The following FGF12 variants were observed in gnomAD, a reference collection of about 807,000 sequenced individuals.
FGF12 encodes the protein fibroblast growth factor 12, also known as fibroblast growth factor 12B.
In FGF12, 14 loss-of-function variants were observed where a neutral mutation model predicts 23.6. That is an observed-to-expected ratio of 0.59 (90% CI 0.39 to 0.93). The LOEUF (loss-of-function observed/expected upper bound fraction) is 0.93, where lower values mean the gene tolerates loss of function less well. FGF12 is among the 40% of genes least tolerant of loss of function. The pLI, the probability that FGF12 is intolerant of heterozygous loss-of-function variation, is 0.00. For synonymous variants in FGF12, 62 were observed against 77.3 expected (o/e 0.80, Z 1.04); for missense variants, 175 against 217.8 (o/e 0.80, Z 1.24).
At chr3:192,262,870 C>T (rs1362634953) in intron 4 of FGF12, among the ~76,000 whole-genome samples, 2 of 151,562 alleles carry the variant, frequency 1.3e-5, no homozygotes, top group African/African-American at 2.4e-5. Flanking sequence ...GAACTACTCC[C>T]CCATACACAC....
At chr3:192,700,530 T>G (rs1718257351) in intron 2 of FGF12, among the ~76,000 whole-genome samples, 1 of 152,232 alleles carries the variant, frequency 6.6e-6, no homozygotes, top group Non-Finnish European at 1.5e-5. Flanking sequence ...TATCTCCTTG[T>G]TTTATGTTTA....
At chr3:192,714,476 A>G (rs1463616898) in intron 2 of FGF12, among the ~76,000 whole-genome samples, 3 of 149,570 alleles carry the variant, frequency 2.0e-5, no homozygotes, top group Non-Finnish European at 4.4e-5. Flanking sequence ...TTAGTCTGTT[A>G]TAATTCTGAG....
At chr3:192,482,210 G>C (rs1272587452) in intron 2 of FGF12, among the ~76,000 whole-genome samples, 1 of 152,058 alleles carries the variant, frequency 6.6e-6, no homozygotes, top group Non-Finnish European at 1.5e-5. Flanking sequence ...AAAGAACTAA[G>C]CAAAATGTGT....
At chr3:192,395,504 C>T (rs1158251400) in intron 2 of FGF12, among the ~76,000 whole-genome samples, 1 of 152,176 alleles carries the variant, frequency 6.6e-6, no homozygotes, top group East Asian at 1.9e-4. Flanking sequence ...TCCCTCAGAG[C>T]CTGACTATAC....
intron 2 of FGF12, among the ~76,000 whole-genome samples, chr3:192,561,406 A>T (rs1389563433): frequency 6.6e-6 from 1 of 151,950 alleles, no homozygotes; most frequent in Non-Finnish European, 1.5e-5. Context: ...TCTTTCACCC[A>T]GGCTGGAGTG....
Position 192,300,084 on chromosome 3 carries a change from A to G in FGF12, c.228+35277T>C, listed in dbSNP as rs115474290. ...CACAAAAGCCAATAGAAACTCTGGC[A>G]AAACATAGGGGAGCACAGGCAATCC... On this transcript the variant is annotated intron_variant, in intron 4 of 5. Coordinates refer to ENST00000445105, the MANE Select transcript of FGF12 (RefSeq NM_004113.6). Among the ~76,000 whole-genome samples, 1,011 of 152,302 alleles carry G rather than the reference A, an allele frequency of 6.6e-3. 8 individuals carry two copies. Among genetic ancestry groups the G allele is most frequent in the African/African-American group, 0.024 (978 of 41,558 alleles).
At chr3:192,161,842 G>T (rs1004773280) in intron 5 of FGF12, among the ~76,000 whole-genome samples, 6 of 152,086 alleles carry the variant, frequency 3.9e-5, no homozygotes, top group Non-Finnish European at 7.4e-5. Context: ...CAGATCCTTT[G>T]AAATTTGAGA....
chr3:192,140,848 T>C lies in FGF12; in HGVS notation c.*3161A>G, dbSNP rs981646608. 4.6e-5 allele frequency: 7 copies of C among 151,906 alleles called. No homozygotes were observed. Among genetic ancestry groups the C allele is most frequent in the African/African-American group, 9.7e-5 (4 of 41,410 alleles). 9.4% of individuals were successfully genotyped at this position (151,906 alleles called of 1,614,324 possible). A position where few individuals can be genotyped will look rare whatever the true frequency, so the allele number is the denominator to read the frequency against. ...AATAGGATGGCTTGCTGCCCTCCAA[T>C]TTGCGGAAGCACAAAAGTCTCTGAA... On this transcript the variant is annotated 3_prime_UTR_variant, in exon 6 of 6. Coordinates refer to ENST00000445105, the MANE Select transcript of FGF12 (RefSeq NM_004113.6).
chr3:192,440,975 C>G (rs1036462029), intron 2 of FGF12, among the ~76,000 whole-genome samples: 1 of 152,176 alleles, frequency 6.6e-6, no homozygotes, highest in Non-Finnish European at 1.5e-5. Flanking sequence ...AGAAAATGCT[C>G]TAGGATAAAG....
At position 192,336,176 on chromosome 3, in the gene FGF12, A is replaced by G. The variant is rs1397137392; in HGVS notation, c.125-712T>C. ...ATACATACTATATATATACAAATATATATACACATATATATATGCACACAC... is the reference window on the plus strand; with the variant it reads ...ATACATACTATATATATACAAATATGTATACACATATATATATGCACACAC... On this transcript the variant is annotated intron_variant, in intron 3 of 5. Coordinates refer to ENST00000445105, the MANE Select transcript of FGF12 (RefSeq NM_004113.6). The surrounding 1 kb of genome is among the most constrained non-coding windows in gnomAD (Gnocchi z 4.3). Among the ~76,000 whole-genome samples, 6 of 150,418 alleles carry G rather than the reference A, an allele frequency of 4.0e-5. No individual in the cohort carries two copies. The highest frequency in any genetic ancestry group is 3.5e-3 in the Middle Eastern group (1 of 284).
chr3:192,192,291 AT>A (rs1716831825), intron 4 of FGF12, among the ~76,000 whole-genome samples: 1 of 151,940 alleles, frequency 6.6e-6, no homozygotes. Flanking sequence ...AAGGGAAATT[AT>A]CTTTCTCTCA....
At position 192,181,850 on chromosome 3, in the gene FGF12, C is replaced by T. The variant is rs928662231; in HGVS notation, c.229-11194G>A. Reference sequence around the variant, plus strand: ...TTTGCTGTGTTCCCCAGGCTGGTTTCGAACTCCTGGGATCAACCCACAGTG... The same window carrying T: ...TTTGCTGTGTTCCCCAGGCTGGTTTTGAACTCCTGGGATCAACCCACAGTG... On this transcript the variant is annotated intron_variant, in intron 4 of 5. Transcript: ENST00000445105. Among the ~76,000 whole-genome samples the T allele has an allele frequency of 5.3e-5, 8 of 151,410 alleles. No homozygotes were observed. In the South Asian group the frequency reaches 1.5e-3, roughly 28 times the overall value.
intron 4 of FGF12, among the ~76,000 whole-genome samples, chr3:192,232,237 A>G (rs895069342): frequency 2.0e-5 from 3 of 152,160 alleles, no homozygotes; most frequent in Admixed American, 6.5e-5. Context: ...TTTTCTACCA[A>G]TCTGTATCAA....
chr3:192,423,584 T>A (rs946941100), intron 2 of FGF12, among the ~76,000 whole-genome samples: 1 of 152,144 alleles, frequency 6.6e-6, no homozygotes, highest in African/African-American at 2.4e-5. Context: ...ATACTTGGAA[T>A]GGAAAGAACT....
intron 2 of FGF12, among the ~76,000 whole-genome samples, chr3:192,720,390 A>C (rs1443335573): frequency 6.6e-6 from 1 of 152,220 alleles, no homozygotes; most frequent in Admixed American, 6.5e-5. Context: ...CGCAGCAGTT[A>C]AATACCACGG....
chr3:192,344,041 T>C (rs1717830557), intron 3 of FGF12, among the ~76,000 whole-genome samples: 1 of 152,218 alleles, frequency 6.6e-6, no homozygotes, highest in African/African-American at 2.4e-5. Flanking sequence ...ACCTTGGCGA[T>C]GACTTTGAGC....
chr3:192,304,206 CA>C (rs1715496305), intron 4 of FGF12, among the ~76,000 whole-genome samples: 2 of 152,122 alleles, frequency 1.3e-5, no homozygotes, highest in Non-Finnish European at 2.9e-5. Flanking sequence ...CACATGTATC[CA>C]AGGGATCTTG....
chr3:192,343,056 T>A (rs1717770232), intron 3 of FGF12, among the ~76,000 whole-genome samples: 1 of 152,052 alleles, frequency 6.6e-6, no homozygotes, highest in African/African-American at 2.4e-5. Context: ...CATTACAAAT[T>A]GTCTTTGGAA....
chr3:192,221,549 A>T lies in FGF12; in HGVS notation c.229-50893T>A, dbSNP rs1234248358. Reference sequence around the variant, plus strand: ...CTGGAGGGAGGAAGAGATAGCCATCATGAATAACCAACTGCTTGGACCTTT... The same window carrying T: ...CTGGAGGGAGGAAGAGATAGCCATCTTGAATAACCAACTGCTTGGACCTTT... On this transcript the variant is annotated intron_variant, in intron 4 of 5. Transcript: ENST00000445105. Among the ~76,000 whole-genome samples the T allele has an allele frequency of 3.9e-5, 6 of 152,326 alleles. No homozygotes were observed. The South Asian group carries it at 8.3e-4, about 21-fold the overall frequency.
Sources: gnomAD v4.1 joint callset for allele counts (sites outside exome capture counted in the v4.1 genomes callset) on GRCh38, gnomAD v4.1.1 for gene constraint, Gnocchi (gnomAD v3.1) non-coding constraint, MANE v1.5 for transcripts, NCBI Gene and HGNC (gene_info 2026-07-23, HGNC 2026-07-21) for gene names.